SLC7A9: variants seen among roughly 807,000 people sequenced by gnomAD.
The protein encoded by SLC7A9 is solute carrier family 7 member 9.
Under a neutral mutation model 54.1 loss-of-function variants are expected in SLC7A9, and 38 were observed. The ratio of observed to expected loss-of-function variants is 0.70; its 90% CI spans 0.54 to 0.92. The LOEUF is 0.92. Among genes scored for constraint, SLC7A9 ranks in the 40% least tolerant of loss-of-function variants. The probability of loss-of-function intolerance (pLI) is 0.00; values close to 1 mark genes in which losing one functional copy is unlikely to be tolerated. For missense variants in SLC7A9, 537 were observed against 636.1 expected (o/e 0.84, Z 1.68); for synonymous variants, 264 against 258.9 (o/e 1.02, Z -0.19).
At chr19:32,847,046 C>T (rs1255389205) in intron 9 of SLC7A9, among the ~76,000 whole-genome samples, 2 of 152,182 alleles carry the variant, frequency 1.3e-5, no homozygotes, top group South Asian at 2.1e-4. Flanking sequence ...ACATCACCAT[C>T]ATCAAAGACC....
At chr19:32,844,482 C>G (rs149831596) in intron 9 of SLC7A9, among the ~76,000 whole-genome samples, 99 of 152,170 alleles carry the variant, frequency 6.5e-4, no homozygotes, top group African/African-American at 2.2e-3. Context: ...TCCCCCCATG[C>G]TTTTCAGCCT....
At chr19:32,855,679 G>A (rs1373433132) in intron 9 of SLC7A9, among the ~76,000 whole-genome samples, 3 of 151,762 alleles carry the variant, frequency 2.0e-5, no homozygotes, top group South Asian at 2.1e-4. Context: ...TCCAGCCTGG[G>A]TGACAGAGCA....
chr19:32,848,445 C>A (rs540334465), intron 9 of SLC7A9, among the ~76,000 whole-genome samples: 2 of 143,048 alleles, frequency 1.4e-5, no homozygotes, highest in East Asian at 4.1e-4. Context: ...AAGGCCATTA[C>A]ATAATGGTAA....
intron 9 of SLC7A9, among the ~76,000 whole-genome samples, chr19:32,847,003 C>G (rs910011922): frequency 6.6e-6 from 1 of 152,210 alleles, no homozygotes; most frequent in African/African-American, 2.4e-5. Context: ...AACTAACAAA[C>G]AGAAAGGACA....
intron 3 of SLC7A9, 75 bp from the exon 4 acceptor site, chr19:32,864,413 C>T (rs1297496354): frequency 2.0e-5 from 32 of 1,596,464 alleles, no homozygotes; most frequent in Non-Finnish European, 2.5e-5. Flanking sequence ...TTCCTCCCAC[C>T]GGAGGCTGCG....
chr19:32,857,355 G>A (rs906868039), intron 9 of SLC7A9, among the ~76,000 whole-genome samples: 2 of 151,936 alleles, frequency 1.3e-5, no homozygotes, highest in Middle Eastern at 3.4e-3. Context: ...GAGGAGGGAG[G>A]ATTGCTTGAG....
intron 2 of SLC7A9, among the ~76,000 whole-genome samples, chr19:32,868,048 T>C (rs904901426): frequency 6.6e-6 from 1 of 150,826 alleles, no homozygotes; most frequent in Non-Finnish European, 1.5e-5. Flanking sequence ...CTGGCCAACA[T>C]GGTGAAACCC....
intron 11 of SLC7A9, 96 bp from the exon 12 acceptor site, chr19:32,833,419 AC>A: frequency 1.0e-6 from 1 of 1,001,332 alleles, no homozygotes; most frequent in Non-Finnish European, 1.6e-6. Flanking sequence ...AACTCCATGT[AC>A]CCCCTCCTCC....
chr19:32,855,558 C>T (rs571380060), intron 9 of SLC7A9, among the ~76,000 whole-genome samples: 6 of 152,112 alleles, frequency 3.9e-5, no homozygotes, highest in South Asian at 2.1e-4. Flanking sequence ...AAAAATTAGC[C>T]GGGCGTGATG....
At chr19:32,853,763 A>C (rs1005292419) in intron 9 of SLC7A9, among the ~76,000 whole-genome samples, 1 of 152,070 alleles carries the variant, frequency 6.6e-6, no homozygotes, top group Admixed American at 6.6e-5. Flanking sequence ...CTAAAAATAC[A>C]AAAATTAGCC....
Position 32,864,648 on chromosome 19 carries a change from G to A in SLC7A9, c.216C>T (p.Cys72=), listed in dbSNP as rs756984428. The A allele has an allele frequency of 1.5e-5, 24 of 1,613,734 alleles. No individual in the cohort carries two copies. The highest frequency in any genetic ancestry group is 1.8e-5 in the Non-Finnish European group (21 of 1,180,040). ...CTTTACCCAGCGTCGCGAGGACCCC[G>A]CAAGCCGCCCATATGATGAGGCAGG... ...VGPCLIIWAA[C]GVLATLGALC... Residue 72 remains cysteine (C), a synonymous_variant, in exon 3 of 13, where the codon TGC becomes TGT. Coordinates refer to ENST00000023064, the MANE Select transcript of SLC7A9 (RefSeq NM_014270.5).
chr19:32,851,238 A>G (rs1968457641), intron 9 of SLC7A9, among the ~76,000 whole-genome samples: 1 of 152,010 alleles, frequency 6.6e-6, no homozygotes, highest in African/African-American at 2.4e-5. Flanking sequence ...TGAACAGGCA[A>G]CCTACAAAAT....
chr19:32,867,551 G>A (rs773867434), intron 2 of SLC7A9, among the ~76,000 whole-genome samples: 5 of 151,610 alleles, frequency 3.3e-5, no homozygotes, highest in Admixed American at 6.6e-5. Flanking sequence ...TAAAAAGAAC[G>A]CCCTTTCTGA....
intron 6 of SLC7A9, 55 bp from the exon 7 acceptor site, chr19:32,860,705 GA>G: frequency 6.2e-7 from 1 of 1,608,390 alleles, no homozygotes; most frequent in Non-Finnish European, 8.5e-7. Context: ...TTTCGATAAT[GA>G]AACCCACAAT....
chr19:32,830,758 G>A (rs2145788979), intron 12 of SLC7A9, 74 bp from the exon 13 acceptor site: 2 of 1,197,126 alleles, frequency 1.7e-6, no homozygotes, highest in East Asian at 4.7e-5. Context: ...TGTTGTGGGT[G>A]AGGGTGACAT....
intron 11 of SLC7A9, among the ~76,000 whole-genome samples, chr19:32,834,485 C>A (rs942944918): frequency 4.6e-5 from 7 of 151,984 alleles, no homozygotes; most frequent in Non-Finnish European, 8.8e-5. Context: ...CAAAAATTAG[C>A]CGGGCGTGAT....
intron 9 of SLC7A9, 114 bp downstream of exon 9, chr19:32,858,326 G>C: frequency 1.3e-6 from 1 of 748,062 alleles, no homozygotes; most frequent in East Asian, 2.7e-5. Flanking sequence ...TACTTGTACT[G>C]GCGTGGGTTT....
chr19:32,863,355 G>A (rs1014664933), intron 4 of SLC7A9, among the ~76,000 whole-genome samples: 1 of 151,074 alleles, frequency 6.6e-6, no homozygotes, highest in African/African-American at 2.4e-5. Flanking sequence ...TCGAACTCGT[G>A]ACCTCATGTA....
chr19:32,844,578 T>G (rs1968225646), intron 9 of SLC7A9, among the ~76,000 whole-genome samples: 1 of 152,122 alleles, frequency 6.6e-6, no homozygotes, highest in South Asian at 2.1e-4. Flanking sequence ...ACACCTGTAA[T>G]CCCAGCACTG....
Sources: gnomAD v4.1 joint callset for allele counts (sites outside exome capture counted in the v4.1 genomes callset) on GRCh38, gnomAD v4.1.1 for gene constraint, MANE v1.5 for transcripts, NCBI Gene and HGNC (gene_info 2026-07-23, HGNC 2026-07-21) for gene names.